The following SLFN5 variants were observed in gnomAD, a reference collection of about 807,000 sequenced individuals.
SLFN5 encodes the protein schlafen family member 5.
A neutral mutation model predicts 48.5 loss-of-function variants in SLFN5; 34 were observed. The observed-to-expected ratio is 0.70, with a 90% CI of 0.53 to 0.93. The LOEUF is 0.93. Among genes scored for constraint, SLFN5 ranks in the 40% least tolerant of loss-of-function variants. The pLI, the probability that SLFN5 is intolerant of heterozygous loss-of-function variation, is 0.00. For synonymous variants in SLFN5, 387 were observed against 396.2 expected, an observed-to-expected ratio of 0.98 and a Z score of 0.28; for missense variants, 1,006 against 1,071.3, an observed-to-expected ratio of 0.94 and a Z score of 0.85.
In SLFN5 at chr17:35,265,804, C is replaced by T. The variant is rs1347999740; in HGVS notation, c.2592C>T (p.Ala864=). The change falls in exon 5 of 5, where the codon GCC becomes GCT. Residue 864 remains alanine, a synonymous_variant. Coordinates refer to ENST00000299977, the MANE Select transcript of SLFN5 (RefSeq NM_144975.4). ...NIVFGINPGV[A]PPAGAYNLLL... ...TGTTTGGAATCAATCCAGGAGTAGC[C>T]CCACCGGCTGGGGCCTACAATCTTC... 6.2e-7 allele frequency: 1 copy of T among 1,613,952 alleles called. No individual in the cohort carries two copies. The highest frequency in any genetic ancestry group is 8.5e-7 in the Non-Finnish European group (1 of 1,180,030).
chr17:35,264,956 T>A (rs1333457295), intron 4 of SLFN5, 53 bp downstream of exon 4: 2 of 1,535,482 alleles, frequency 1.3e-6, no homozygotes, highest in Non-Finnish European at 1.7e-6. Flanking sequence ...GTGGCTGGTG[T>A]GGCTTTCAGT....
chr17:35,249,574 G>T lies in SLFN5; in HGVS notation c.-41+6431G>T, dbSNP rs182757284. Among the ~76,000 whole-genome samples, 40 of 152,276 alleles carry T rather than the reference G, an allele frequency of 2.6e-4. 1 individual carries two copies. Among genetic ancestry groups the T allele is most frequent in the Admixed American group, 2.4e-3 (37 of 15,298 alleles). ...CTCTGAGTAAACATACCACACAGGT[G>T]GTAGGTATTTCAAGTAACCCACATA... On this transcript the variant is annotated intron_variant, in intron 1 of 4. Transcript: ENST00000299977.
Position 35,259,314 on chromosome 17 carries a change from TAA to T in SLFN5, c.626_627del (p.Lys209ArgfsTer14), listed in dbSNP as rs1290050547. The T allele has an allele frequency of 6.2e-7, 1 of 1,614,180 alleles. No individual in the cohort carries two copies. The highest frequency in any genetic ancestry group is 2.2e-5 in the East Asian group (1 of 44,888). On this transcript the variant is annotated frameshift_variant, in exon 2 of 5. Coordinates refer to ENST00000299977, the MANE Select transcript of SLFN5 (RefSeq NM_144975.4). LOFTEE classifies it high-confidence loss of function. ...MFSTDVSHCV[K>X]DRLPKCVSAF... ...TCTCGACAGACGTGTCACACTGTGT[TAA>T]AGACAGACTTCCGAAGTGTGTTTCT...
chr17:35,263,423 GC>G (rs1904577614), intron 3 of SLFN5, among the ~76,000 whole-genome samples: 2 of 152,156 alleles, frequency 1.3e-5, no homozygotes, highest in South Asian at 4.2e-4. Context: ...GAGCCACCAC[GC>G]CCGGCTTCCT....
chr17:35,265,947 C>T lies in SLFN5; in HGVS notation c.*59C>T. On this transcript the variant is annotated 3_prime_UTR_variant, in exon 5 of 5. Coordinates refer to ENST00000299977, the MANE Select transcript of SLFN5 (RefSeq NM_144975.4). ...TTCTCATCTCTAATTAACTGTGAAA[C>T]CATTTAATCCAAACATGTAAGCACA... 1 of 1,479,884 alleles carries T rather than the reference C, an allele frequency of 6.8e-7. No individual in the cohort carries two copies. The highest frequency in any genetic ancestry group is 9.1e-7 in the Non-Finnish European group (1 of 1,103,662). The allele number at this position is 1,479,884 out of a possible 1,614,324, so 91.7% of individuals were successfully genotyped here.
chr17:35,267,750 G>T lies in SLFN5; in HGVS notation c.*1862G>T, dbSNP rs544702638. 3 of 152,138 alleles carry T rather than the reference G, an allele frequency of 2.0e-5. No individual in the cohort carries two copies. Among genetic ancestry groups the T allele is most frequent in the East Asian group, 3.9e-4 (2 of 5,188 alleles). The allele number at this position is 152,138 out of a possible 1,614,324, so 9.4% of individuals were successfully genotyped here. On this transcript the variant is annotated 3_prime_UTR_variant, in exon 5 of 5. Transcript: ENST00000299977. ...ATTAAATAAATAAAACAAAAAAAAA[G>T]AATTTAAAAGTTTTATATAAAGGCA...
intron 1 of SLFN5, among the ~76,000 whole-genome samples, chr17:35,245,289 T>C (rs2092428177): frequency 6.6e-6 from 1 of 152,200 alleles, no homozygotes; most frequent in East Asian, 1.9e-4. Context: ...GTAAGAAGGC[T>C]ACCAAGTGAC....
rs1277952017 is a variant in SLFN5, at chr17:35,265,260, T to C, written c.2048T>C (p.Leu683Pro). 3.7e-6 allele frequency: 6 copies of C among 1,614,228 alleles called. No individual in the cohort carries two copies. In the South Asian group the frequency reaches 6.6e-5, roughly 18 times the overall value. Reference protein sequence around the residue: ...RDGPGVLWIFLDYFQTYHLSC... With the variant: ...RDGPGVLWIFPDYFQTYHLSC... The stretch of plus-strand genomic sequence containing the variant: ...GGCCCAGGAGTTCTCTGGATCTTTC[T>C]GGACTACTTTCAGACCTATCACTTG... Residue 683 changes from leucine to proline, a missense_variant, in exon 5 of 5, where the codon CTG becomes CCG. Physicochemically the swap from Leu to Pro is moderately conservative, Grantham distance 98 (BLOSUM62 -3). Coordinates refer to ENST00000299977, the MANE Select transcript of SLFN5 (RefSeq NM_144975.4).
In SLFN5 at chr17:35,271,954, C is replaced by A. The variant is rs1904840799; in HGVS notation, c.*6066C>A. The A allele has an allele frequency of 6.6e-6, 1 of 152,028 alleles. No individual in the cohort carries two copies. Among genetic ancestry groups the A allele is most frequent in the African/African-American group, 2.4e-5 (1 of 41,380 alleles). The allele number at this position is 152,028 out of a possible 1,614,324, so 9.4% of individuals were successfully genotyped here. A position where few individuals can be genotyped will look rare whatever the true frequency, so the allele number is the denominator to read the frequency against. The stretch of plus-strand genomic sequence containing the variant: ...GCTGAGGTGGGAGAATCACCCAAGC[C>A]TTGGGAGGTCGAGGCTGTAGTGAGC... On this transcript the variant is annotated 3_prime_UTR_variant, in exon 5 of 5. Transcript: ENST00000299977.
In SLFN5 at chr17:35,271,847, T is replaced by A. The variant is rs2142712563; in HGVS notation, c.*5959T>A. The A allele has an allele frequency of 6.6e-6, 1 of 152,264 alleles. No individual in the cohort carries two copies. The highest frequency in any genetic ancestry group is 2.4e-5 in the African/African-American group (1 of 41,552). The allele number at this position is 152,264 out of a possible 1,614,324, so 9.4% of individuals were successfully genotyped here. A position where few individuals can be genotyped will look rare whatever the true frequency, so the allele number is the denominator to read the frequency against. On this transcript the variant is annotated 3_prime_UTR_variant, in exon 5 of 5. Transcript: ENST00000299977. ...GAGTTCCAGACCAGCCTGGACAACA[T>A]GGTGAAATCCCGTCTCTATTTAAAA...
At position 35,243,153 on chromosome 17, in the gene SLFN5, C is replaced by A. The variant is rs1285195508; in HGVS notation, c.-41+10C>A. ...GAGGAGAACCCAGCGGGTAATGAATCCCCCGCGCTTCTTTGCCCAGGCCTT... is the reference window on the plus strand; with the variant it reads ...GAGGAGAACCCAGCGGGTAATGAATACCCCGCGCTTCTTTGCCCAGGCCTT... On this transcript the variant is annotated intron_variant, in intron 1 of 4. Coordinates refer to ENST00000299977, the MANE Select transcript of SLFN5 (RefSeq NM_144975.4). 1 of 152,406 alleles carries A rather than the reference C, an allele frequency of 6.6e-6. No individual in the cohort carries two copies. Among genetic ancestry groups the A allele is most frequent in the Non-Finnish European group, 1.5e-5 (1 of 68,190 alleles). The allele number at this position is 152,406 out of a possible 1,614,324, so 9.4% of individuals were successfully genotyped here. A position where few individuals can be genotyped will look rare whatever the true frequency, so the allele number is the denominator to read the frequency against.
At position 35,269,536 on chromosome 17, in the gene SLFN5, A is replaced by G; in HGVS notation, c.*3648A>G. 6.6e-6 allele frequency: 1 copy of G among 152,244 alleles called. No homozygotes were observed. The highest frequency in any genetic ancestry group is 6.5e-5 in the Admixed American group (1 of 15,272). The allele number at this position is 152,244 out of a possible 1,614,324, so 9.4% of individuals were successfully genotyped here. A position where few individuals can be genotyped will look rare whatever the true frequency, so the allele number is the denominator to read the frequency against. ...TTGGAATCATTAGGGAGGACCTGAT[A>G]GAATAAAATGACAAGCTGACCAAAT... is the stretch of plus-strand genomic sequence containing the variant. On this transcript the variant is annotated 3_prime_UTR_variant, in exon 5 of 5. Coordinates refer to ENST00000299977, the MANE Select transcript of SLFN5 (RefSeq NM_144975.4).
At chr17:35,256,175 A>G (rs926945642) in intron 1 of SLFN5, among the ~76,000 whole-genome samples, 3 of 152,202 alleles carry the variant, frequency 2.0e-5, no homozygotes, top group Non-Finnish European at 4.4e-5. Flanking sequence ...CCTGGCAAAC[A>G]TGGTGAAACC....
rs1904785358 is a variant in SLFN5 at position 35,269,656 on chromosome 17, G to A, written c.*3768G>A. The A allele has an allele frequency of 6.6e-6, 1 of 152,154 alleles. No homozygotes were observed. Among genetic ancestry groups the A allele is most frequent in the Admixed American group, 6.5e-5 (1 of 15,278 alleles). The allele number at this position is 152,154 out of a possible 1,614,324, so 9.4% of individuals were successfully genotyped here. A position where few individuals can be genotyped will look rare whatever the true frequency, so the allele number is the denominator to read the frequency against. ...CATTTTCTTTACTTGATTTAAGGAG[G>A]TTAAATTACAGTGAGAGAGTTGCAC... On this transcript the variant is annotated 3_prime_UTR_variant, in exon 5 of 5. Coordinates refer to ENST00000299977, the MANE Select transcript of SLFN5 (RefSeq NM_144975.4).
At chr17:35,250,414 C>T (rs1015283545) in intron 1 of SLFN5, among the ~76,000 whole-genome samples, 1 of 152,112 alleles carries the variant, frequency 6.6e-6, no homozygotes, top group Non-Finnish European at 1.5e-5. Flanking sequence ...AATCCCAGCA[C>T]TTTGGGAGGC....
intron 1 of SLFN5, among the ~76,000 whole-genome samples, chr17:35,243,746 C>G (rs934409469): frequency 6.6e-6 from 1 of 152,188 alleles, no homozygotes; most frequent in African/African-American, 2.4e-5. Context: ...GGTGTGATTC[C>G]GTTTCCCTCT....
intron 1 of SLFN5, among the ~76,000 whole-genome samples, chr17:35,245,876 G>A (rs1256249734): frequency 6.6e-6 from 1 of 151,628 alleles, no homozygotes; most frequent in East Asian, 1.9e-4. Context: ...GGAATGGCTG[G>A]GTCATATGGC....
In SLFN5 at chr17:35,260,492, A is replaced by AG. The variant is rs536076842; in HGVS notation, c.1013-473dup. Among the ~76,000 whole-genome samples, 1,326 of 152,252 alleles carry AG rather than the reference A, an allele frequency of 8.7e-3. 27 individuals carry two copies. Among genetic ancestry groups the AG allele is most frequent in the African/African-American group, 0.031 (1,268 of 41,536 alleles). On this transcript the variant is annotated intron_variant, in intron 2 of 4. Coordinates refer to ENST00000299977, the MANE Select transcript of SLFN5 (RefSeq NM_144975.4). The stretch of plus-strand genomic sequence containing the variant: ...GTAACTCCAGCACTTTGGGAGGCCG[A>AG]GGGGGGCAGATCACCTGAGGTCAGG...
rs560092356 is a variant in SLFN5, at chr17:35,269,003, T to G, written c.*3115T>G. ...TTGTTTCATATATTTTGCCTTATTT[T>G]GCAATTGTTTCATATATTTTGTCTT... is the stretch of plus-strand genomic sequence containing the variant. On this transcript the variant is annotated 3_prime_UTR_variant, in exon 5 of 5. Coordinates refer to ENST00000299977, the MANE Select transcript of SLFN5 (RefSeq NM_144975.4). 57 of 152,336 alleles carry G rather than the reference T, an allele frequency of 3.7e-4. No homozygotes were observed. The highest frequency in any genetic ancestry group is 1.2e-3 in the African/African-American group (51 of 41,574). The allele number at this position is 152,336 out of a possible 1,614,324, so 9.4% of individuals were successfully genotyped here.
Sources: gnomAD v4.1 joint callset for allele counts (sites outside exome capture counted in the v4.1 genomes callset) on GRCh38, gnomAD v4.1.1 for gene constraint, MANE v1.5 for transcripts, NCBI Gene and HGNC (gene_info 2026-07-23, HGNC 2026-07-21) for gene names.